The following CXADR variants were observed in gnomAD, a reference collection of about 807,000 sequenced individuals.
CXADR encodes the protein coxsackievirus and adenovirus receptor.
A neutral mutation model predicts 40.3 loss-of-function variants in CXADR; 20 were observed. The ratio of observed to expected loss-of-function variants is 0.50; its 90% CI spans 0.35 to 0.72. The LOEUF is 0.72. Ranked by LOEUF, CXADR falls within the 30% of genes least tolerant of loss-of-function variation. The pLI is 0.01. For missense variants in CXADR, 332 were observed against 449.1 expected, an observed-to-expected ratio of 0.74 and a Z score of 2.36; for synonymous variants, 150 against 161.3, an observed-to-expected ratio of 0.93 and a Z score of 0.53.
chr21:17,635,038 A>G, the CXADR span, among the ~76,000 whole-genome samples: 744 of 152,370 alleles, frequency 4.9e-3, 28 homozygotes, highest in East Asian at 0.096. Flanking sequence ...AAGGAATTGG[A>G]TTCTATAGGG....
intron 7 of CXADR, among the ~76,000 whole-genome samples, chr21:17,586,742 T>TTTA (rs567351575): frequency 6.6e-6 from 1 of 152,158 alleles, no homozygotes; most frequent in South Asian, 2.1e-4. Flanking sequence ...TTTAAAATTT[T>TTTA]TTATTATTAT....
intron 1 of CXADR, among the ~76,000 whole-genome samples, chr21:17,518,135 T>C (rs2060483749): frequency 6.6e-6 from 1 of 151,456 alleles, no homozygotes; most frequent in Non-Finnish European, 1.5e-5. Flanking sequence ...AAGTAACAAA[T>C]GTAAAGATTT....
chr21:17,613,365 G>C, the CXADR span: 1 of 152,694 alleles, frequency 6.5e-6, no homozygotes, highest in South Asian at 2.1e-4. Context: ...CTTCATGGGG[G>C]ACACGGACTC....
At chr21:17,600,447 AGC>A in the CXADR span, among the ~76,000 whole-genome samples, 1 of 152,250 alleles carries the variant, frequency 6.6e-6, no homozygotes, top group Non-Finnish European at 1.5e-5. Flanking sequence ...ATTTCAAGAT[AGC>A]ACTCGTCTCA....
the CXADR span, among the ~76,000 whole-genome samples, chr21:17,622,962 C>G: frequency 6.6e-6 from 1 of 152,186 alleles, no homozygotes; most frequent in Non-Finnish European, 1.5e-5. Context: ...AGTATATAAT[C>G]TGTTTAATTT....
intron 1 of CXADR, among the ~76,000 whole-genome samples, chr21:17,524,676 C>T (rs2060576478): frequency 6.7e-6 from 1 of 149,234 alleles, no homozygotes; most frequent in Non-Finnish European, 1.5e-5. Flanking sequence ...GGGAGAATCA[C>T]TTGAGCTCAA....
chr21:17,514,350 T>A (rs184161), intron 1 of CXADR, among the ~76,000 whole-genome samples: 3 of 152,092 alleles, frequency 2.0e-5, no homozygotes, highest in Non-Finnish European at 4.4e-5. Context: ...TATTAGCAAG[T>A]CTAATCTTCG....
At chr21:17,624,078 C>T in the CXADR span, among the ~76,000 whole-genome samples, 1 of 152,042 alleles carries the variant, frequency 6.6e-6, no homozygotes, top group Non-Finnish European at 1.5e-5. Flanking sequence ...CCCATAGGCT[C>T]CCCATTTCAC....
chr21:17,619,195 TAA>T, the CXADR span, among the ~76,000 whole-genome samples: 3 of 152,130 alleles, frequency 2.0e-5, no homozygotes, highest in African/African-American at 7.2e-5. Flanking sequence ...GACTTCAACT[TAA>T]AGTCACCAGC....
the CXADR span, among the ~76,000 whole-genome samples, chr21:17,615,425 A>G: frequency 0.16 from 24,604 of 152,194 alleles, 2,140 homozygotes; most frequent in Middle Eastern, 0.24. Flanking sequence ...GATATGTTCC[A>G]GGATCCCCAG....
exon 8 of CXADR, chr21:17,593,266 G>A (rs1857379224): frequency 7.8e-7 from 1 of 1,274,068 alleles, no homozygotes; most frequent in East Asian, 3.0e-5. Context: ...AGACTTAAAT[G>A]TTTTTTAAAA....
chr21:17,565,935 T>C lies in CXADR; in HGVS notation c.*243T>C, dbSNP rs2123332812. 8.5e-7 allele frequency: 1 copy of C among 1,178,662 alleles called. No individual in the cohort carries two copies. The highest frequency in any genetic ancestry group is 1.1e-6 in the Non-Finnish European group (1 of 951,598). 73.0% of individuals were successfully genotyped at this position (1,178,662 alleles called of 1,614,324 possible). ...GCTGGATTTTCTTTAAGAGGTTGAT[T>C]ATAAAGTTTTCTAAATTTATCAGTA... is the stretch of plus-strand genomic sequence containing the variant. On this transcript the variant is annotated 3_prime_UTR_variant, in exon 7 of 7. Coordinates refer to ENST00000284878, the MANE Select transcript of CXADR (RefSeq NM_001338.5).
chr21:17,629,583 A>AAAACC, the CXADR span, among the ~76,000 whole-genome samples: 2 of 152,022 alleles, frequency 1.3e-5, no homozygotes, highest in East Asian at 1.9e-4. Context: ...AAAACAAAAC[A>AAAACC]AAACCCAAAA....
intron 5 of CXADR, 62 bp from the exon 6 acceptor site, chr21:17,561,276 C>A: frequency 1.1e-6 from 1 of 915,550 alleles, no homozygotes; most frequent in South Asian, 2.4e-5. Flanking sequence ...GTATAGCCTA[C>A]CTTCAGTATC....
chr21:17,627,267 A>T, the CXADR span, among the ~76,000 whole-genome samples: 1 of 152,210 alleles, frequency 6.6e-6, no homozygotes, highest in Non-Finnish European at 1.5e-5. Context: ...GAGGCAAGAG[A>T]ATCACTTGAA....
At chr21:17,582,381 TCTGA>T (rs1205489990) in intron 7 of CXADR, among the ~76,000 whole-genome samples, 2 of 152,230 alleles carry the variant, frequency 1.3e-5, no homozygotes, top group Admixed American at 6.5e-5. Context: ...CCTCAAGTTA[TCTGA>T]CTGTTTGTAT....
the CXADR span, chr21:17,604,840 C>T: frequency 3.7e-6 from 6 of 1,608,844 alleles, no homozygotes; most frequent in African/African-American, 5.3e-5. Flanking sequence ...TCAGTTCAGC[C>T]TCTAAACTTG....
At chr21:17,551,171 G>A (rs1248838264) in intron 2 of CXADR, among the ~76,000 whole-genome samples, 5 of 152,128 alleles carry the variant, frequency 3.3e-5, no homozygotes, top group South Asian at 2.1e-4. Flanking sequence ...AAGCCAAGGC[G>A]GGTGGATCCC....
chr21:17,628,226 A>G, the CXADR span, among the ~76,000 whole-genome samples: 1 of 152,224 alleles, frequency 6.6e-6, no homozygotes, highest in South Asian at 2.1e-4. Context: ...CTCCAGAGAA[A>G]CAGAACCAAT....
Sources: gnomAD v4.1 joint callset for allele counts (sites outside exome capture counted in the v4.1 genomes callset) on GRCh38, gnomAD v4.1.1 for gene constraint, MANE v1.5 for transcripts, NCBI Gene and HGNC (gene_info 2026-07-23, HGNC 2026-07-21) for gene names.